The following DHX30 variants were observed in gnomAD, a reference collection of about 807,000 sequenced individuals.
The protein encoded by DHX30 is DExH-box helicase 30.
Under a neutral mutation model 116.9 loss-of-function variants are expected in DHX30, and 4 were observed. That is an observed-to-expected ratio of 0.03 (90% CI 0.02 to 0.08). The LOEUF (loss-of-function observed/expected upper bound fraction) is 0.08, where lower values mean the gene tolerates loss of function less well. DHX30 is among the 10% of genes least tolerant of loss of function. The pLI, the probability that DHX30 is intolerant of heterozygous loss-of-function variation, is 1.00. For missense variants in DHX30, 871 were observed against 1,595.1 expected (o/e 0.55, Z 7.73); for synonymous variants, 697 against 651.7 (o/e 1.07, Z -1.06).
chr3:47,833,748 C>T (rs934847575), intron 6 of DHX30, among the ~76,000 whole-genome samples: 40 of 151,812 alleles, frequency 2.6e-4, no homozygotes, highest in Admixed American at 2.4e-3. Flanking sequence ...GTCCCAGCTA[C>T]TCGGGAGGCT....
At position 47,803,148 on chromosome 3, in the gene DHX30, C is replaced by G. The variant is rs900260451; in HGVS notation, c.-187C>G. ...CCGCTGCTGGGAGTTGTAGTCCGGC[C>G]GTGGTTGGGGGAGCCGCGGCTCATG... is the stretch of plus-strand genomic sequence containing the variant. On this transcript the variant is annotated 5_prime_UTR_variant, in exon 1 of 22. Transcript: ENST00000445061. 2.0e-5 allele frequency: 8 copies of G among 393,928 alleles called. No homozygotes were observed. The highest frequency in any genetic ancestry group is 8.9e-5 in the Admixed American group (2 of 22,536). 24.4% of individuals were successfully genotyped at this position (393,928 alleles called of 1,614,324 possible).
rs923357000 is a variant in DHX30, at chr3:47,806,149, T to TG, written c.-28+729_-28+730insG. ...AGCCCGGCTAATTTTTTTGTATTTT[T>TG]TTTTTTTTTTTTAGATGGGAGTCTC... On this transcript the variant is annotated intron_variant, in intron 2 of 21. Coordinates refer to ENST00000445061, the MANE Select transcript of DHX30 (RefSeq NM_138615.3). Among the ~76,000 whole-genome samples the TG allele has an allele frequency of 8.7e-5, 8 of 91,830 alleles. No homozygotes were observed. In the East Asian group the frequency reaches 2.8e-3, roughly 32 times the overall value. 60.2% of individuals were successfully genotyped at this position (91,830 alleles called of 152,430 possible).
chr3:47,841,236 G>T lies in DHX30; in HGVS notation c.668+58G>T, dbSNP rs2037362019. The T allele has an allele frequency of 2.5e-6, 4 of 1,588,268 alleles. No individual in the cohort carries two copies. In the Admixed American group the frequency reaches 7.3e-5, roughly 29 times the overall value. Reference sequence around the variant, plus strand: ...TGGCTGTGCCTTGACACGGGGATGGGCGAATGTTCTCTGCTAGCTTTCTCT... The same window carrying T: ...TGGCTGTGCCTTGACACGGGGATGGTCGAATGTTCTCTGCTAGCTTTCTCT... On this transcript the variant is annotated intron_variant, in intron 7 of 21. Coordinates refer to ENST00000445061, the MANE Select transcript of DHX30 (RefSeq NM_138615.3).
At chr3:47,838,181 G>C (rs2037209490) in intron 6 of DHX30, among the ~76,000 whole-genome samples, 2 of 152,228 alleles carry the variant, frequency 1.3e-5, no homozygotes, top group African/African-American at 4.8e-5. Flanking sequence ...CCTGCCCCAA[G>C]GGTTCGCGAA....
intron 4 of DHX30, among the ~76,000 whole-genome samples, chr3:47,818,450 T>A (rs2036154172): frequency 6.6e-6 from 1 of 152,072 alleles, no homozygotes; most frequent in Non-Finnish European, 1.5e-5. Context: ...AAGTCCCTGA[T>A]CAGGTGGCTC....
At chr3:47,808,798 A>T (rs1456051083) in intron 2 of DHX30, among the ~76,000 whole-genome samples, 1 of 151,056 alleles carries the variant, frequency 6.6e-6, no homozygotes, top group Non-Finnish European at 1.5e-5. Context: ...CTGGTCTCGA[A>T]CTTCTGACCT....
intron 6 of DHX30, among the ~76,000 whole-genome samples, chr3:47,838,959 G>T (rs913723835): frequency 6.6e-6 from 1 of 151,586 alleles, no homozygotes; most frequent in African/African-American, 2.4e-5. Flanking sequence ...CTGCAGCCTC[G>T]ATCTGTAGGC....
chr3:47,833,442 G>A (rs1007096038), intron 6 of DHX30, among the ~76,000 whole-genome samples: 1 of 147,154 alleles, frequency 6.8e-6, no homozygotes, highest in African/African-American at 2.5e-5. Flanking sequence ...TGAGGTGGGA[G>A]GATTGCTTGA....
At chr3:47,818,718 C>G (rs1275089866) in intron 4 of DHX30, among the ~76,000 whole-genome samples, 1 of 152,150 alleles carries the variant, frequency 6.6e-6, no homozygotes, top group Non-Finnish European at 1.5e-5. Context: ...GGGATGGCGC[C>G]AGGGATAGGA....
rs758175965 is a variant in DHX30, at chr3:47,847,293, C to T, written c.1950C>T (p.Leu650=). 1.7e-5 allele frequency: 28 copies of T among 1,614,132 alleles called. No homozygotes were observed. Among genetic ancestry groups the T allele is most frequent in the South Asian group, 1.5e-4 (14 of 91,090 alleles). The change falls in exon 12 of 22, where the codon CTC becomes CTT. Residue 650 remains leucine, a synonymous_variant. Transcript: ENST00000445061. The surrounding 1 kb of genome is among the most constrained non-coding windows in gnomAD (Gnocchi z 5.5). ...RHHESEDECA[L]DLDLVTDLVL... ...CCCAGTCTGAGGATGAATGCGCACTCGATTTGGACCTTGTGACTGATCTGG... is the reference window on the plus strand; with the variant it reads ...CCCAGTCTGAGGATGAATGCGCACTTGATTTGGACCTTGTGACTGATCTGG...
intron 3 of DHX30, among the ~76,000 whole-genome samples, chr3:47,814,429 C>CAGAAAAAA (rs2035948419): frequency 1.1e-5 from 1 of 92,628 alleles, no homozygotes; most frequent in African/African-American, 4.3e-5. Flanking sequence ...TGTCTCAAAA[C>CAGAAAAAA]AAAAAAAAAA....
chr3:47,848,619 T>C lies in DHX30; in HGVS notation c.2576-5T>C. Reference sequence around the variant, plus strand: ...AGGGTGGTACTGACAGCTGAGCCGTTGCAGGGGTGCTGGACCAGCGGGAGT... The same window carrying C: ...AGGGTGGTACTGACAGCTGAGCCGTCGCAGGGGTGCTGGACCAGCGGGAGT... On this transcript the variant is annotated splice_polypyrimidine_tract_variant and splice_region_variant and intron_variant, in intron 16 of 21. Coordinates refer to ENST00000445061, the MANE Select transcript of DHX30 (RefSeq NM_138615.3). The surrounding 1 kb of genome is among the most constrained non-coding windows in gnomAD (Gnocchi z 9.4). 6.2e-7 allele frequency: 1 copy of C among 1,614,014 alleles called. No homozygotes were observed. Among genetic ancestry groups the C allele is most frequent in the Non-Finnish European group, 8.5e-7 (1 of 1,179,958 alleles).
intron 4 of DHX30, among the ~76,000 whole-genome samples, 197 bp downstream of exon 4, chr3:47,818,314 G>A (rs1344204424): frequency 2.6e-5 from 4 of 152,194 alleles, no homozygotes; most frequent in Non-Finnish European, 5.9e-5. Context: ...CTTGACTCAT[G>A]GCCTGGACCC....
At position 47,845,670 on chromosome 3, in the gene DHX30, A is replaced by G. The variant is rs529468329; in HGVS notation, c.940-30A>G. 6 of 1,556,368 alleles carry G rather than the reference A, an allele frequency of 3.9e-6. No individual in the cohort carries two copies. The African/African-American group carries it at 4.1e-5, about 11-fold the overall frequency. ...GCTGGTTTTTGGGGAGCCCCAGAGC[A>G]TAGACTGAGTCTTGCATGTCCCCCT... On this transcript the variant is annotated intron_variant, in intron 9 of 21. Transcript: ENST00000445061.
chr3:47,833,297 G>T (rs1382962833), intron 6 of DHX30, among the ~76,000 whole-genome samples: 1 of 151,974 alleles, frequency 6.6e-6, no homozygotes, highest in African/African-American at 2.4e-5. Context: ...GGCTGAAGTA[G>T]GCGGATCACT....
chr3:47,826,929 T>C (rs2036578838), intron 4 of DHX30, among the ~76,000 whole-genome samples: 3 of 152,200 alleles, frequency 2.0e-5, no homozygotes, highest in African/African-American at 7.2e-5. Flanking sequence ...GAGCCTTGCA[T>C]TGTCTTGATC....
chr3:47,839,135 A>G (rs2037248950), intron 6 of DHX30, among the ~76,000 whole-genome samples: 1 of 152,134 alleles, frequency 6.6e-6, no homozygotes, highest in Non-Finnish European at 1.5e-5. Flanking sequence ...CGTACATGCT[A>G]GAGACTTAGG....
chr3:47,811,003 G>A (rs1292689239), intron 3 of DHX30, among the ~76,000 whole-genome samples: 1 of 151,898 alleles, frequency 6.6e-6, no homozygotes, highest in Non-Finnish European at 1.5e-5. Context: ...AGGCTGGAGT[G>A]CAGTGGCACG....
intron 3 of DHX30, chr3:47,817,089 A>G: frequency 2.3e-6 from 1 of 436,550 alleles, no homozygotes; most frequent in Non-Finnish European, 3.0e-6. Flanking sequence ...CCACAAATGA[A>G]CATCTTTGTA....
Sources: allele counts gnomAD v4.1 joint callset (sites outside exome capture counted in the v4.1 genomes callset), GRCh38; gene constraint gnomAD v4.1.1; non-coding constraint Gnocchi (gnomAD v3.1); transcripts MANE v1.5; gene names NCBI Gene and HGNC (gene_info 2026-07-23, HGNC 2026-07-21).